PCDH9: variants seen among roughly 807,000 people sequenced by gnomAD.
PCDH9 encodes protocadherin 9, also known as protocadherin-9.
A neutral mutation model predicts 70.6 loss-of-function variants in PCDH9; 24 were observed. The observed-to-expected ratio is 0.34, with a 90% confidence interval of 0.25 to 0.48. The LOEUF (loss-of-function observed/expected upper bound fraction) is 0.48, where lower values mean the gene tolerates loss of function less well. PCDH9 is among the 20% of genes least tolerant of loss of function. PCDH9 has a pLI of 0.99. For missense variants in PCDH9, 1,281 were observed against 1,503.6 expected, an observed-to-expected ratio of 0.85 and a Z score of 2.45; for synonymous variants, 562 against 558.5, an observed-to-expected ratio of 1.01 and a Z score of -0.09.
At chr13:66,874,791 T>G (rs1217005544) in intron 3 of PCDH9, among the ~76,000 whole-genome samples, 1 of 152,172 alleles carries the variant, frequency 6.6e-6, no homozygotes, top group African/African-American at 2.4e-5. Context: ...AAGGCTTCTC[T>G]AAATATCAAA....
At chr13:66,665,680 T>C (rs1009608659) in intron 3 of PCDH9, among the ~76,000 whole-genome samples, 1 of 152,168 alleles carries the variant, frequency 6.6e-6, no homozygotes, top group Non-Finnish European at 1.5e-5. Context: ...TTTAATGTGG[T>C]CATCTTATGT....
At position 66,601,686 on chromosome 13, in the gene PCDH9, TAG is replaced by T. The variant is rs1245422254; in HGVS notation, c.3340+29522_3340+29523del. Among the ~76,000 whole-genome samples the T allele has an allele frequency of 2.1e-5, 3 of 146,198 alleles. 1 individual carries two copies. The highest frequency in any genetic ancestry group is 4.6e-5 in the Non-Finnish European group (3 of 64,992). On this transcript the variant is annotated intron_variant, in intron 4 of 4. Transcript: ENST00000377865. ...AGAAGGCTGCTTTAACAGATAGAAG[TAG>T]AGTCATGCACTGCAGAAGACACTTC... is the stretch of plus-strand genomic sequence containing the variant.
rs1013266235 is a variant in PCDH9 at position 66,569,959 on chromosome 13, C to T, written c.3340+61251G>A. On this transcript the variant is annotated intron_variant, in intron 4 of 4. Coordinates refer to ENST00000377865, the MANE Select transcript of PCDH9 (RefSeq NM_203487.3). ...TCTTTGATTTACATAAAAATGTAAA[C>T]ACAAATATTAAATAGCAGCTTTATT... is the stretch of plus-strand genomic sequence containing the variant. Among the ~76,000 whole-genome samples the T allele has an allele frequency of 5.9e-5, 9 of 152,152 alleles. No homozygotes were observed. In the East Asian group the frequency reaches 1.4e-3, roughly 23 times the overall value.
intron 2 of PCDH9, among the ~76,000 whole-genome samples, chr13:67,096,236 C>G (rs9540996): frequency 0.1 from 15,152 of 152,064 alleles, 819 homozygotes; most frequent in Non-Finnish European, 0.12. Context: ...ATGCACTTTC[C>G]TTATCAGTTT....
intron 4 of PCDH9, among the ~76,000 whole-genome samples, chr13:66,551,584 TA>T (rs1262709675): frequency 6.6e-6 from 1 of 152,176 alleles, no homozygotes; most frequent in African/African-American, 2.4e-5. Context: ...AGTGTAAACA[TA>T]AACACTGATG....
intron 2 of PCDH9, among the ~76,000 whole-genome samples, chr13:66,978,036 G>A (rs572051617): frequency 6.6e-6 from 1 of 152,228 alleles, no homozygotes; most frequent in East Asian, 1.9e-4. Flanking sequence ...TTTCGTAAGT[G>A]AAAAGAAACA....
At chr13:66,368,543 A>G (rs1197259306) in intron 4 of PCDH9, among the ~76,000 whole-genome samples, 1 of 151,902 alleles carries the variant, frequency 6.6e-6, no homozygotes, top group African/African-American at 2.4e-5. Flanking sequence ...TACATTCAAT[A>G]CATTCTATTT....
intron 3 of PCDH9, among the ~76,000 whole-genome samples, chr13:66,749,029 C>A (rs2079416369): frequency 6.6e-6 from 1 of 152,116 alleles, no homozygotes; most frequent in South Asian, 2.1e-4. Context: ...TTCTTCCTGC[C>A]ATTATGTGAA....
intron 3 of PCDH9, among the ~76,000 whole-genome samples, chr13:66,848,003 A>G (rs1225910459): frequency 6.6e-6 from 1 of 152,156 alleles, no homozygotes; most frequent in Admixed American, 6.5e-5. Context: ...GTATTTGTGT[A>G]TGTGTGTTTA....
Position 66,362,839 on chromosome 13 carries a change from T to C in PCDH9, c.3341-57811A>G, listed in dbSNP as rs115527610. Among the ~76,000 whole-genome samples, 18 of 152,264 alleles carry C rather than the reference T, an allele frequency of 1.2e-4. No individual in the cohort carries two copies. In the East Asian group the frequency reaches 3.5e-3, roughly 29 times the overall value. ...CCCTTGTGAATTAGTATGAGCAACA[T>C]CTTACACAAGGCACATACTTTATCT... On this transcript the variant is annotated intron_variant, in intron 4 of 4. Transcript: ENST00000377865.
At position 67,024,993 on chromosome 13, in the gene PCDH9, G is replaced by C. The variant is rs558279450; in HGVS notation, c.3037-121388C>G. Reference sequence around the variant, plus strand: ...ATGTATGTCACAAGTATATTCGTTTGTCATTTGAAGCTAATTAACAAAAGT... The same window carrying C: ...ATGTATGTCACAAGTATATTCGTTTCTCATTTGAAGCTAATTAACAAAAGT... On this transcript the variant is annotated intron_variant, in intron 2 of 4. Coordinates refer to ENST00000377865, the MANE Select transcript of PCDH9 (RefSeq NM_203487.3). Among the ~76,000 whole-genome samples, 88 of 152,082 alleles carry C rather than the reference G, an allele frequency of 5.8e-4. 1 individual carries two copies. Among genetic ancestry groups the C allele is most frequent in the African/African-American group, 2.0e-3 (84 of 41,510 alleles).
intron 2 of PCDH9, among the ~76,000 whole-genome samples, chr13:67,032,316 T>C (rs1004635216): frequency 2.0e-5 from 3 of 150,616 alleles, no homozygotes; most frequent in Admixed American, 1.3e-4. Flanking sequence ...CAACTATATA[T>C]TTTTCTGCCT....
At chr13:66,431,469 C>T (rs185966828) in intron 4 of PCDH9, among the ~76,000 whole-genome samples, 25 of 152,108 alleles carry the variant, frequency 1.6e-4, no homozygotes, top group African/African-American at 6.0e-4. Context: ...ACTCCATGAT[C>T]TTATTCAAAC....
At chr13:66,617,326 G>A (rs937220736) in intron 4 of PCDH9, among the ~76,000 whole-genome samples, 28 of 152,212 alleles carry the variant, frequency 1.8e-4, no homozygotes, top group Non-Finnish European at 2.9e-4. Flanking sequence ...AGAGAACCAC[G>A]GATGCCTGCT....
chr13:66,625,007 A>C (rs1443947575), intron 4 of PCDH9, among the ~76,000 whole-genome samples: 1 of 152,158 alleles, frequency 6.6e-6, no homozygotes, highest in Non-Finnish European at 1.5e-5. Flanking sequence ...CCCAATCTCA[A>C]CAGCTACTAA....
At chr13:66,938,548 T>C (rs1181769477) in intron 2 of PCDH9, among the ~76,000 whole-genome samples, 1 of 152,204 alleles carries the variant, frequency 6.6e-6, no homozygotes, top group Non-Finnish European at 1.5e-5. Flanking sequence ...AAAGCAATCT[T>C]TATATGTGAT....
chr13:66,798,805 T>C (rs1252686167), intron 3 of PCDH9, among the ~76,000 whole-genome samples: 1 of 95,374 alleles, frequency 1.0e-5, no homozygotes, highest in African/African-American at 2.8e-5. Context: ...ATGATGCTTA[T>C]TCCTGTTCCT....
intron 2 of PCDH9, among the ~76,000 whole-genome samples, chr13:66,994,962 G>T (rs73507316): frequency 0.021 from 3,131 of 152,124 alleles, 102 homozygotes; most frequent in African/African-American, 0.072. Flanking sequence ...ATCCATTTAC[G>T]GAACATGCCT....
intron 2 of PCDH9, among the ~76,000 whole-genome samples, chr13:67,070,327 C>G (rs2138152021): frequency 6.6e-6 from 1 of 152,042 alleles, no homozygotes; most frequent in Admixed American, 6.6e-5. Flanking sequence ...TCTCATTTCA[C>G]CCTCACAGGT....
Sources: allele counts gnomAD v4.1 joint callset (sites outside exome capture counted in the v4.1 genomes callset), GRCh38; gene constraint gnomAD v4.1.1; transcripts MANE v1.5; gene names NCBI Gene and HGNC (gene_info 2026-07-23, HGNC 2026-07-21).